Variants in LRIF1 observed in about 807,000 individuals in gnomAD.
LRIF1 encodes ligand-dependent nuclear receptor-interacting factor 1.
Under a neutral mutation model 52.7 loss-of-function variants are expected in LRIF1, and 32 were observed. That is an observed-to-expected ratio of 0.61 (90% CI 0.46 to 0.82). The LOEUF (loss-of-function observed/expected upper bound fraction) is 0.82. Among genes scored for constraint, LRIF1 ranks in the 40% least tolerant of loss-of-function variants. The pLI is 0.00. For missense variants in LRIF1, 887 were observed against 892.0 expected, an observed-to-expected ratio of 0.99 and a Z score of 0.07; for synonymous variants, 323 against 317.4, an observed-to-expected ratio of 1.02 and a Z score of -0.19.
the LRIF1 span, among the ~76,000 whole-genome samples, chr1:110,887,791 G>A: frequency 6.6e-6 from 1 of 152,178 alleles, no homozygotes; most frequent in East Asian, 1.9e-4. Flanking sequence ...CTATCCTTGG[G>A]CAGTTTTGTA....
At chr1:110,895,740 A>C in the LRIF1 span, among the ~76,000 whole-genome samples, 391 of 152,322 alleles carry the variant, frequency 2.6e-3, 1 homozygote, top group African/African-American at 9.0e-3. Flanking sequence ...TTTTTATTAC[A>C]TAATTTTTAG....
chr1:110,939,575 C>T, the LRIF1 span: 2 of 152,046 alleles, frequency 1.3e-5, no homozygotes, highest in East Asian at 3.8e-4. Context: ...ATCATATTAC[C>T]TGACTTTAAA....
chr1:110,927,338 T>C, the LRIF1 span, among the ~76,000 whole-genome samples: 1,017 of 152,232 alleles, frequency 6.7e-3, 9 homozygotes, highest in African/African-American at 0.023. Context: ...TCTTTCCTCC[T>C]GATCCTAGAA....
In LRIF1 at chr1:110,947,640, T is replaced by G; in HGVS notation, c.*319A>C. On this transcript the variant is annotated 3_prime_UTR_variant, in exon 4 of 4. Transcript: ENST00000369763. ...ACTGCTGGAATAATGCCTGAGCAAT[T>G]TAGGTAAAGATACAAACAATAACAA... 5.2e-6 allele frequency: 1 copy of G among 190,978 alleles called. No individual in the cohort carries two copies. The highest frequency in any genetic ancestry group is 1.1e-5 in the Non-Finnish European group (1 of 93,398). The allele number at this position is 190,978 out of a possible 1,614,324, so 11.8% of individuals were successfully genotyped here.
chr1:110,963,360 C>A (rs956949721), intron 1 of LRIF1: 7 of 298,056 alleles, frequency 2.3e-5, no homozygotes, highest in African/African-American at 1.5e-4. Context: ...CCGTGGAGAT[C>A]TACTCGGTCC....
the LRIF1 span, among the ~76,000 whole-genome samples, chr1:110,893,927 ACCAGCAGTCCT>A: frequency 6.6e-6 from 1 of 152,202 alleles, no homozygotes; most frequent in Admixed American, 6.5e-5. Context: ...CTCAGCCACT[ACCAGCAGTCCT>A]CCACCCAGAG....
At chr1:110,907,682 C>T in the LRIF1 span, among the ~76,000 whole-genome samples, 7,815 of 152,158 alleles carry the variant, frequency 0.051, 273 homozygotes, top group East Asian at 0.14. Flanking sequence ...TGCAGTGAGC[C>T]GAGATTGCAC....
chr1:110,906,091 A>G, the LRIF1 span, among the ~76,000 whole-genome samples: 1 of 152,172 alleles, frequency 6.6e-6, no homozygotes, highest in African/African-American at 2.4e-5. Context: ...CACTAAAGGA[A>G]GACAAGAAAG....
In LRIF1 at chr1:110,949,967, T is replaced by A. The variant is rs1399382277; in HGVS notation, c.1753A>T (p.Thr585Ser). The A allele has an allele frequency of 4.3e-6, 7 of 1,613,954 alleles. No homozygotes were observed. The highest frequency in any genetic ancestry group is 5.1e-6 in the Non-Finnish European group (6 of 1,180,020). ...GAGGTCAAATGGTCAGGAATTCGAG[T>A]AAGGCACACTCTCAAATCCTTAGTA... ...GLTKDLRVCL[T>S]RIPDHLTSGE... Residue 585 changes from threonine to serine, a missense_variant, in exon 3 of 4, where the codon ACT (threonine) becomes TCT (serine). Physicochemically the swap from Thr to Ser is moderately conservative, Grantham distance 58. Transcript: ENST00000369763.
intron 1 of LRIF1, among the ~76,000 whole-genome samples, chr1:110,960,638 T>C (rs1011684580): frequency 9.2e-5 from 14 of 152,218 alleles, no homozygotes; most frequent in African/African-American, 2.7e-4. Context: ...TATTCAAATA[T>C]CTGACTGCTT....
chr1:110,951,733 G>T lies in LRIF1; in HGVS notation c.1151C>A (p.Ser384Tyr), dbSNP rs552710090. ...VLPSQIDQQNSVSPDTPVRKD... is the reference protein window; with the variant it reads ...VLPSQIDQQNYVSPDTPVRKD... ...TCTTACTGGAGTATCAGGAGAAACA[G>T]AATTCTGTTGGTCAATTTGTGATGG... The change falls in exon 2 of 4, where the codon TCT (serine) becomes TAT (tyrosine). Residue 384 changes from serine (S) to tyrosine (Y), a missense_variant. Coordinates refer to ENST00000369763, the MANE Select transcript of LRIF1 (RefSeq NM_018372.4). 8.1e-6 allele frequency: 13 copies of T among 1,613,730 alleles called. No homozygotes were observed. In the Admixed American group the frequency reaches 1.3e-4, roughly 17 times the overall value.
At chr1:110,889,109 T>C in the LRIF1 span, among the ~76,000 whole-genome samples, 1 of 83,854 alleles carries the variant, frequency 1.2e-5, no homozygotes, top group Non-Finnish European at 3.6e-5. Flanking sequence ...TAAGAGTTAA[T>C]TTAATTTTTT....
chr1:110,896,742 G>A, the LRIF1 span: 1 of 1,610,136 alleles, frequency 6.2e-7, no homozygotes. Context: ...AGGTAATTTT[G>A]TCGGCAATGT....
At chr1:110,883,487 G>C in the LRIF1 span, among the ~76,000 whole-genome samples, 1 of 151,832 alleles carries the variant, frequency 6.6e-6, no homozygotes, top group South Asian at 2.1e-4. Flanking sequence ...ATCTTGTTCT[G>C]AGGAACATTG....
chr1:110,896,389 T>C, the LRIF1 span, among the ~76,000 whole-genome samples: 1 of 152,226 alleles, frequency 6.6e-6, no homozygotes, highest in African/African-American at 2.4e-5. Context: ...CCCTCCATTA[T>C]GCAGTCCCTG....
intron 2 of LRIF1, among the ~76,000 whole-genome samples, chr1:110,951,022 C>T (rs1658448302): frequency 1.3e-5 from 2 of 152,130 alleles, no homozygotes; most frequent in Non-Finnish European, 2.9e-5. Context: ...AACCTTTTTG[C>T]TCTGTGAATT....
At chr1:110,954,019 A>C (rs1658594130) in intron 1 of LRIF1, among the ~76,000 whole-genome samples, 1 of 152,162 alleles carries the variant, frequency 6.6e-6, no homozygotes, top group Non-Finnish European at 1.5e-5. Context: ...TATACCATAG[A>C]CCTAGCATGG....
In LRIF1 at chr1:110,948,315, C is replaced by T. The variant is rs568800560; in HGVS notation, c.1954G>A (p.Ala652Thr). Residue 652 changes from alanine to threonine, a missense_variant, in exon 4 of 4, where the codon GCA becomes ACA. Physicochemically the swap from Ala to Thr is moderately conservative, Grantham distance 58. Coordinates refer to ENST00000369763, the MANE Select transcript of LRIF1 (RefSeq NM_018372.4). ...ACATTAGCTTCCCCATTTATGATTG[C>T]GTTATAAGCATTCTCTGTTTTTCTC... The part of the protein sequence containing the change: ...KKRKTENAYN[A>T]IINGEANVTG... 9.9e-6 allele frequency: 16 copies of T among 1,613,960 alleles called. No homozygotes were observed. Among genetic ancestry groups the T allele is most frequent in the Admixed American group, 5.0e-5 (3 of 60,022 alleles).
At chr1:110,958,852 A>G (rs1020247713) in intron 1 of LRIF1, among the ~76,000 whole-genome samples, 39 of 152,312 alleles carry the variant, frequency 2.6e-4, no homozygotes, top group Admixed American at 1.1e-3. Flanking sequence ...CCTACAAGGT[A>G]TAATTTTTTT....
Sources: allele counts gnomAD v4.1 joint callset (sites outside exome capture counted in the v4.1 genomes callset), GRCh38; gene constraint gnomAD v4.1.1; transcripts MANE v1.5; gene names NCBI Gene and HGNC (gene_info 2026-07-23, HGNC 2026-07-21).